Variants in NR6A1 observed in about 807,000 individuals in gnomAD.
NR6A1 encodes the protein nuclear receptor subfamily 6 group A member 1, also known as retinoic acid receptor-related testis-associated receptor.
NR6A1 carries 7 observed loss-of-function variants against 59.1 expected under a neutral mutation model. The ratio of observed to expected loss-of-function variants is 0.12; its 90% CI spans 0.07 to 0.22. The LOEUF is 0.22. NR6A1 is among the 10% of genes least tolerant of loss of function. NR6A1 has a pLI of 1.00. For missense variants in NR6A1, 468 were observed against 611.6 expected (o/e 0.77, Z 2.48); for synonymous variants, 243 against 236.1 (o/e 1.03, Z -0.27).
intron 2 of NR6A1, among the ~76,000 whole-genome samples, chr9:124,652,462 C>T (rs1297807623): frequency 6.6e-6 from 1 of 152,202 alleles, no homozygotes; most frequent in African/African-American, 2.4e-5. Flanking sequence ...ATACTGTTCC[C>T]CTGACAGCAC....
chr9:124,560,571 CTT>C, intron 2 of NR6A1, among the ~76,000 whole-genome samples: 1 of 152,056 alleles, frequency 6.6e-6, no homozygotes, highest in Non-Finnish European at 1.5e-5. Flanking sequence ...TGTCTTTTAT[CTT>C]TTTTGAGACG....
At chr9:124,610,646 A>C (rs529868381) in intron 2 of NR6A1, among the ~76,000 whole-genome samples, 1 of 152,138 alleles carries the variant, frequency 6.6e-6, no homozygotes, top group South Asian at 2.1e-4. Context: ...CCTACTTTTC[A>C]ATTGTTTGGA....
chr9:124,665,013 A>C lies in NR6A1; in HGVS notation c.142+68295T>G, dbSNP rs1256035252. On this transcript the variant is annotated intron_variant, in intron 2 of 9. Coordinates refer to ENST00000487099, the MANE Select transcript of NR6A1 (RefSeq NM_033334.4). ...TATAATAAGATCCTTGTATCTCCAA[A>C]AAAAAAAAAAAAAAAAAAAAAAAGG... Among the ~76,000 whole-genome samples, 7 of 146,618 alleles carry C rather than the reference A, an allele frequency of 4.8e-5. No individual in the cohort carries two copies. The East Asian group carries it at 9.8e-4, about 20-fold the overall frequency.
intron 1 of NR6A1, among the ~76,000 whole-genome samples, chr9:124,740,260 C>A (rs1840138710): frequency 6.6e-6 from 1 of 152,152 alleles, no homozygotes; most frequent in African/African-American, 2.4e-5. Flanking sequence ...CCCTTTCCTG[C>A]AAACACTCAA....
chr9:124,720,356 G>C (rs1182838278), intron 2 of NR6A1, among the ~76,000 whole-genome samples: 1 of 152,100 alleles, frequency 6.6e-6, no homozygotes, highest in Non-Finnish European at 1.5e-5. Flanking sequence ...CGGCCATCTT[G>C]AACATTTTAA....
chr9:124,685,728 A>G (rs1312417517), intron 2 of NR6A1, among the ~76,000 whole-genome samples: 1 of 152,204 alleles, frequency 6.6e-6, no homozygotes, highest in East Asian at 1.9e-4. Context: ...TGTAGGTTGA[A>G]ACTTATTTTC....
At chr9:124,639,458 A>G (rs1046099543) in intron 2 of NR6A1, among the ~76,000 whole-genome samples, 6 of 152,228 alleles carry the variant, frequency 3.9e-5, no homozygotes, top group African/African-American at 1.4e-4. Context: ...GCCAAAGACT[A>G]AATGAGGCTG....
At chr9:124,699,138 T>C (rs1480542475) in intron 2 of NR6A1, among the ~76,000 whole-genome samples, 3 of 152,182 alleles carry the variant, frequency 2.0e-5, no homozygotes, top group Non-Finnish European at 4.4e-5. Context: ...CCATCTCAGA[T>C]GTGAAAAAGC....
chr9:124,541,476 C>A (rs536924790), intron 4 of NR6A1, among the ~76,000 whole-genome samples: 24 of 151,958 alleles, frequency 1.6e-4, no homozygotes, highest in African/African-American at 5.8e-4. Context: ...ACAACAACAA[C>A]AAAAAAACCC....
intron 4 of NR6A1, among the ~76,000 whole-genome samples, chr9:124,541,897 C>T (rs1014386110): frequency 1.1e-4 from 16 of 152,162 alleles, no homozygotes; most frequent in Non-Finnish European, 2.1e-4. Flanking sequence ...TGACATTACA[C>T]CAAGTGCAAT....
intron 2 of NR6A1, among the ~76,000 whole-genome samples, chr9:124,588,812 C>T (rs1835012659): frequency 6.8e-6 from 1 of 147,550 alleles, no homozygotes; most frequent in African/African-American, 2.5e-5. Context: ...CCCAGCTACT[C>T]GGGAGGCTGA....
intron 2 of NR6A1, chr9:124,693,677 G>C (rs772905840): frequency 3.8e-6 from 2 of 532,602 alleles, no homozygotes; most frequent in East Asian, 1.1e-4. Flanking sequence ...AGTCAGCCAG[G>C]GAGGGCAAAG....
intron 2 of NR6A1, among the ~76,000 whole-genome samples, chr9:124,718,877 C>T (rs1272074412): frequency 7.4e-6 from 1 of 134,842 alleles, no homozygotes; most frequent in Admixed American, 8.6e-5. Context: ...TACAGTGGCG[C>T]GATCTTGGCT....
chr9:124,762,967 A>C (rs1035636609), intron 1 of NR6A1, among the ~76,000 whole-genome samples: 1 of 152,212 alleles, frequency 6.6e-6, no homozygotes, highest in Admixed American at 6.5e-5. Context: ...CCTTGATATG[A>C]CAGACTCACT....
intron 1 of NR6A1, among the ~76,000 whole-genome samples, chr9:124,742,747 G>A (rs928725906): frequency 2.7e-5 from 4 of 150,670 alleles, no homozygotes; most frequent in Admixed American, 2.0e-4. Flanking sequence ...ATGGTGGTAC[G>A]CGCCTGTAGT....
chr9:124,714,097 G>C (rs974729950), intron 2 of NR6A1, among the ~76,000 whole-genome samples: 1 of 152,122 alleles, frequency 6.6e-6, no homozygotes, highest in African/African-American at 2.4e-5. Flanking sequence ...ATACAACATA[G>C]ATAAACTTTA....
chr9:124,593,665 C>G (rs546612125), intron 2 of NR6A1, among the ~76,000 whole-genome samples: 15 of 152,262 alleles, frequency 9.9e-5, no homozygotes, highest in Admixed American at 2.0e-4. Context: ...CTCCTTTAAG[C>G]GGCAATCTAA....
At chr9:124,677,117 G>A (rs1318581260) in intron 2 of NR6A1, among the ~76,000 whole-genome samples, 1 of 151,900 alleles carries the variant, frequency 6.6e-6, no homozygotes. Flanking sequence ...GAAAAAAAAA[G>A]GCCTTAGTGC....
intron 5 of NR6A1, among the ~76,000 whole-genome samples, chr9:124,539,511 T>C (rs1692440061): frequency 6.6e-6 from 1 of 152,244 alleles, no homozygotes; most frequent in South Asian, 2.1e-4. Flanking sequence ...GCTTCCCTAA[T>C]AGCTGAAGGA....
Sources: gnomAD v4.1 joint callset for allele counts (sites outside exome capture counted in the v4.1 genomes callset) on GRCh38, gnomAD v4.1.1 for gene constraint, MANE v1.5 for transcripts, NCBI Gene and HGNC (gene_info 2026-07-23, HGNC 2026-07-21) for gene names.